Variants in SCNN1G observed in about 807,000 individuals in gnomAD.
SCNN1G encodes epithelial sodium channel subunit gamma.
In SCNN1G, 27 loss-of-function variants were observed where a neutral mutation model predicts 64.6. That is an observed-to-expected ratio of 0.42 (90% CI 0.31 to 0.58). SCNN1G has a LOEUF of 0.58. Among genes scored for constraint, SCNN1G ranks in the 20% least tolerant of loss-of-function variants. The pLI is 0.18. For missense variants in SCNN1G, 743 were observed against 823.4 expected (o/e 0.90, Z 1.19); for synonymous variants, 330 against 314.2 (o/e 1.05, Z -0.53).
Position 23,215,312 on chromosome 16 carries a change from T to C in SCNN1G, c.1793T>C (p.Ile598Thr). 6.2e-7 allele frequency: 1 copy of C among 1,614,164 alleles called. No individual in the cohort carries two copies. The highest frequency in any genetic ancestry group is 1.7e-5 in the Admixed American group (1 of 60,030). ...PQGQDNPALDIDDDLPTFNSA... is the reference protein window; with the variant it reads ...PQGQDNPALDTDDDLPTFNSA... The stretch of plus-strand genomic sequence containing the variant: ...GGCCAGGACAATCCAGCCCTGGATA[T>C]AGACGATGACCTACCCACTTTCAAC... The change falls in exon 13 of 13, where the codon ATA (isoleucine) becomes ACA (threonine). Residue 598 changes from isoleucine (I) to threonine (T), a missense_variant. Physicochemically the swap from Ile to Thr is moderately conservative, Grantham distance 89. Transcript: ENST00000300061.
intron 5 of SCNN1G, among the ~76,000 whole-genome samples, 162 bp downstream of exon 5, chr16:23,194,436 A>G (rs1218508361): frequency 6.6e-6 from 1 of 152,222 alleles, no homozygotes; most frequent in African/African-American, 2.4e-5. Flanking sequence ...ATCAGTGTTC[A>G]TGCTGGTTCC....
chr16:23,185,735 T>A (rs1004657268), intron 1 of SCNN1G, among the ~76,000 whole-genome samples: 1 of 152,206 alleles, frequency 6.6e-6, no homozygotes, highest in Non-Finnish European at 1.5e-5. Flanking sequence ...TTGGCAGATT[T>A]CATCTGTCAG....
chr16:23,213,669 A>G (rs1960117496), intron 11 of SCNN1G, among the ~76,000 whole-genome samples: 1 of 152,316 alleles, frequency 6.6e-6, no homozygotes, highest in Admixed American at 6.5e-5. Flanking sequence ...TATCTCCCTC[A>G]TGCGCACTGC....
chr16:23,212,972 C>A, intron 10 of SCNN1G, 78 bp downstream of exon 10: 4 of 1,540,654 alleles, frequency 2.6e-6, no homozygotes, highest in Non-Finnish European at 3.6e-6. Flanking sequence ...TGTCCTCTGG[C>A]CTGGGACATG....
At chr16:23,203,694 C>T (rs1008343270) in intron 6 of SCNN1G, among the ~76,000 whole-genome samples, 2 of 126,396 alleles carry the variant, frequency 1.6e-5, no homozygotes, top group Non-Finnish European at 3.2e-5. Flanking sequence ...GGCATGAACC[C>T]GGGAGGTGGA....
At chr16:23,203,165 T>C (rs1959920059) in intron 6 of SCNN1G, among the ~76,000 whole-genome samples, 1 of 152,120 alleles carries the variant, frequency 6.6e-6, no homozygotes, top group Admixed American at 6.6e-5. Flanking sequence ...AATAAGCAAG[T>C]ACAGTCGAGA....
chr16:23,215,751 G>T lies in SCNN1G; in HGVS notation c.*282G>T, dbSNP rs1384185478. On this transcript the variant is annotated 3_prime_UTR_variant, in exon 13 of 13. Transcript: ENST00000300061. ...AGAGACTGGGAGCCGAGGCAGTGGT[G>T]CTGGCCCAAGTGAAGGCCAGAGTGA... is the stretch of plus-strand genomic sequence containing the variant. 1.2e-5 allele frequency: 6 copies of T among 514,870 alleles called. No homozygotes were observed. Among genetic ancestry groups the T allele is most frequent in the Admixed American group, 3.2e-5 (1 of 31,120 alleles). The allele number at this position is 514,870 out of a possible 1,614,324, so 31.9% of individuals were successfully genotyped here.
intron 6 of SCNN1G, among the ~76,000 whole-genome samples, chr16:23,205,524 C>T (rs1050159000): frequency 6.6e-6 from 1 of 151,996 alleles, no homozygotes; most frequent in African/African-American, 2.4e-5. Flanking sequence ...ATGGTGAAAC[C>T]CCATCTCTAC....
rs1373700109 is a variant in SCNN1G, at chr16:23,207,219, C to T, written c.1078-2531C>T. 2.6e-5 allele frequency among the ~76,000 whole-genome samples: 4 copies of T among 152,314 alleles called. No individual in the cohort carries two copies. The East Asian group carries it at 7.7e-4, about 29-fold the overall frequency. ...TTCAGGGTAGAGGGAGCCCCAGCCA[C>T]CCCTGCTGGCTGCACTCGGCTTGCC... On this transcript the variant is annotated intron_variant, in intron 6 of 12. Coordinates refer to ENST00000300061, the MANE Select transcript of SCNN1G (RefSeq NM_001039.4).
chr16:23,186,509 A>G lies in SCNN1G; in HGVS notation c.238A>G (p.Thr80Ala). 1 of 1,613,804 alleles carries G rather than the reference A, an allele frequency of 6.2e-7. No individual in the cohort carries two copies. Among genetic ancestry groups the G allele is most frequent in the Non-Finnish European group, 8.5e-7 (1 of 1,179,984 alleles). Reference protein sequence around the residue: ...QCALLVFSFYTVSVSIKVHFR... With the variant: ...QCALLVFSFYAVSVSIKVHFR... Reference sequence around the variant, plus strand: ...CGCCCTCCTCGTCTTCTCCTTCTATACTGTCTCAGTTTCCATCAAAGTCCA... The same window carrying G: ...CGCCCTCCTCGTCTTCTCCTTCTATGCTGTCTCAGTTTCCATCAAAGTCCA... Residue 80 changes from threonine (T) to alanine (A), a missense_variant, in exon 2 of 13, where the codon ACT becomes GCT. Transcript: ENST00000300061.
Position 23,215,595 on chromosome 16 carries a change from C to A in SCNN1G, c.*126C>A. 2 of 1,207,848 alleles carry A rather than the reference C, an allele frequency of 1.7e-6. No individual in the cohort carries two copies. The highest frequency in any genetic ancestry group is 2.4e-6 in the Non-Finnish European group (2 of 839,384). The allele number at this position is 1,207,848 out of a possible 1,614,324, so 74.8% of individuals were successfully genotyped here. On this transcript the variant is annotated 3_prime_UTR_variant, in exon 13 of 13. Transcript: ENST00000300061. ...CTCTGGGCTTTTCAGATACTCTGAC[C>A]AAAAAGCCTGCTTTAAACCGCAAGA...
intron 6 of SCNN1G, among the ~76,000 whole-genome samples, chr16:23,204,306 T>TATATATATATATATATATATATAC (rs1567267033): frequency 1.6e-5 from 1 of 63,938 alleles, no homozygotes; most frequent in African/African-American, 6.0e-5. Flanking sequence ...TATATATATA[T>TATATATATATATATATATATATAC]ATATATATAT....
At chr16:23,201,631 T>G (rs1462619755) in intron 6 of SCNN1G, among the ~76,000 whole-genome samples, 1 of 152,220 alleles carries the variant, frequency 6.6e-6, no homozygotes, top group Non-Finnish European at 1.5e-5. Flanking sequence ...ATTTTATTTA[T>G]GTATTGATTG....
chr16:23,213,340 C>T (rs987356540), intron 11 of SCNN1G, among the ~76,000 whole-genome samples, 177 bp downstream of exon 11: 1 of 150,496 alleles, frequency 6.6e-6, no homozygotes, highest in African/African-American at 2.5e-5. Context: ...GTAACTTCTG[C>T]CTCCTGGGTT....
intron 2 of SCNN1G, among the ~76,000 whole-genome samples, chr16:23,187,964 A>G (rs1959641773): frequency 6.6e-6 from 1 of 152,116 alleles, no homozygotes; most frequent in African/African-American, 2.4e-5. Context: ...GATCAAGTCT[A>G]AGACTCTCTC....
At chr16:23,208,850 C>T (rs570533183) in intron 6 of SCNN1G, among the ~76,000 whole-genome samples, 53 of 152,028 alleles carry the variant, frequency 3.5e-4, no homozygotes, top group Non-Finnish European at 5.4e-4. Context: ...AATCCTCCCT[C>T]CTCAGTCTCC....
In SCNN1G at chr16:23,215,615, G is replaced by T. The variant is rs1053199333; in HGVS notation, c.*146G>T. ...CTGACCAAAAAGCCTGCTTTAAACC[G>T]CAAGATGGGGCCTGGGCATGCGCAG... On this transcript the variant is annotated 3_prime_UTR_variant, in exon 13 of 13. Coordinates refer to ENST00000300061, the MANE Select transcript of SCNN1G (RefSeq NM_001039.4). 2.2e-6 allele frequency: 2 copies of T among 899,948 alleles called. No homozygotes were observed. The highest frequency in any genetic ancestry group is 3.5e-6 in the Non-Finnish European group (2 of 572,166). The allele number at this position is 899,948 out of a possible 1,614,324, so 55.7% of individuals were successfully genotyped here.
intron 3 of SCNN1G, among the ~76,000 whole-genome samples, chr16:23,190,913 G>C (rs1326401757): frequency 7.4e-6 from 1 of 135,352 alleles, no homozygotes; most frequent in Admixed American, 8.6e-5. Flanking sequence ...GTGTGATCTC[G>C]GCTCACTGCA....
intron 6 of SCNN1G, among the ~76,000 whole-genome samples, chr16:23,209,017 C>T (rs1012882141): frequency 3.3e-5 from 5 of 152,136 alleles, no homozygotes; most frequent in African/African-American, 7.2e-5. Flanking sequence ...TGGCCTCAAC[C>T]TCCCCATCTG....
Sources: allele counts gnomAD v4.1 joint callset (sites outside exome capture counted in the v4.1 genomes callset), GRCh38; gene constraint gnomAD v4.1.1; transcripts MANE v1.5; gene names NCBI Gene and HGNC (gene_info 2026-07-23, HGNC 2026-07-21).